The following NXPE2 variants were observed in gnomAD, a reference collection of about 807,000 sequenced individuals.
The protein encoded by NXPE2 is neurexophilin and PC-esterase domain family member 2.
Under a neutral mutation model 34.4 loss-of-function variants are expected in NXPE2, and 34 were observed. The ratio of observed to expected loss-of-function variants is 0.99; its 90% CI spans 0.75 to 1.31. The LOEUF is 1.31. Ranked by LOEUF, NXPE2 falls within the 40% of genes most tolerant of loss-of-function variation. The pLI is 0.00. For synonymous variants in NXPE2, 235 were observed against 231.3 expected (o/e 1.02, Z -0.15); for missense variants, 649 against 672.5 (o/e 0.97, Z 0.39).
chr11:114,656,943 A>T, the NXPE2 span, among the ~76,000 whole-genome samples: 1 of 152,166 alleles, frequency 6.6e-6, no homozygotes, highest in Admixed American at 6.5e-5. Context: ...ATACAAAAAA[A>T]ATTAGCCAGG....
At chr11:114,659,408 G>C in the NXPE2 span, among the ~76,000 whole-genome samples, 2 of 146,766 alleles carry the variant, frequency 1.4e-5, no homozygotes, top group African/African-American at 4.9e-5. Context: ...TGTGAGGATA[G>C]GTCAATGAAA....
At chr11:114,781,783 G>T in the NXPE2 span, among the ~76,000 whole-genome samples, 1 of 152,102 alleles carries the variant, frequency 6.6e-6, no homozygotes, top group Non-Finnish European at 1.5e-5. Flanking sequence ...ACCTCCACCA[G>T]GAGTACAAAC....
chr11:114,525,568 T>TC, the NXPE2 span, among the ~76,000 whole-genome samples: 4 of 151,884 alleles, frequency 2.6e-5, no homozygotes, highest in Non-Finnish European at 2.9e-5. Flanking sequence ...GCTTCCCCCT[T>TC]CCCCCCTTAC....
the NXPE2 span, among the ~76,000 whole-genome samples, chr11:114,813,309 TTCC>T: frequency 6.6e-5 from 10 of 152,202 alleles, no homozygotes; most frequent in Non-Finnish European, 1.3e-4. Flanking sequence ...TGCTCCCAGC[TTCC>T]TCCTTGTAAA....
the NXPE2 span, among the ~76,000 whole-genome samples, chr11:114,598,365 G>A: frequency 7.3e-6 from 1 of 136,240 alleles, no homozygotes; most frequent in East Asian, 2.1e-4. Context: ...GGGTCTGGAG[G>A]ATGGTGGCCC....
chr11:114,643,563 T>C, the NXPE2 span, among the ~76,000 whole-genome samples: 1 of 152,070 alleles, frequency 6.6e-6, no homozygotes, highest in Non-Finnish European at 1.5e-5. Context: ...GATCAGATGG[T>C]TGTAGATGTG....
the NXPE2 span, among the ~76,000 whole-genome samples, chr11:114,599,130 C>A: frequency 6.6e-6 from 1 of 152,114 alleles, no homozygotes; most frequent in Non-Finnish European, 1.5e-5. Flanking sequence ...GAACACTTTG[C>A]TGCTTAGAAA....
the NXPE2 span, among the ~76,000 whole-genome samples, chr11:114,467,221 A>G: frequency 6.6e-6 from 1 of 152,226 alleles, no homozygotes; most frequent in African/African-American, 2.4e-5. Flanking sequence ...TTATTAATCT[A>G]TAAGCTGTTA....
At chr11:114,506,910 C>CA in the NXPE2 span, among the ~76,000 whole-genome samples, 4 of 151,632 alleles carry the variant, frequency 2.6e-5, no homozygotes, top group African/African-American at 7.3e-5. Context: ...GATTGAGACA[C>CA]AAAAAAACCC....
intron 2 of NXPE2, among the ~76,000 whole-genome samples, chr11:114,690,284 G>A (rs1000419269): frequency 3.3e-5 from 5 of 152,064 alleles, no homozygotes; most frequent in Non-Finnish European, 7.4e-5. Flanking sequence ...TTGTAGGGCT[G>A]GTCTGGTGGT....
the NXPE2 span, among the ~76,000 whole-genome samples, chr11:114,567,369 G>T: frequency 6.6e-6 from 1 of 151,866 alleles, no homozygotes; most frequent in Non-Finnish European, 1.5e-5. Context: ...GACTATGGAG[G>T]ATTCCCTTCT....
the NXPE2 span, among the ~76,000 whole-genome samples, chr11:114,609,552 G>A: frequency 6.7e-6 from 1 of 149,782 alleles, no homozygotes. Flanking sequence ...AATGGATAAT[G>A]AGTATTGCCT....
chr11:114,741,360 C>T, the NXPE2 span, among the ~76,000 whole-genome samples: 130 of 152,188 alleles, frequency 8.5e-4, 2 homozygotes, highest in East Asian at 0.024. Flanking sequence ...ATGTCCATAT[C>T]CTCTCCAGAT....
At chr11:114,621,681 C>T in the NXPE2 span, among the ~76,000 whole-genome samples, 1 of 152,132 alleles carries the variant, frequency 6.6e-6, no homozygotes, top group Non-Finnish European at 1.5e-5. Context: ...ATAAGTGATG[C>T]CTCATTGGTA....
chr11:114,554,510 G>A, the NXPE2 span: 17 of 400,384 alleles, frequency 4.2e-5, no homozygotes, highest in Admixed American at 3.2e-4. Context: ...TATAACAAAA[G>A]CCAATTATAC....
the NXPE2 span, among the ~76,000 whole-genome samples, chr11:114,737,771 C>T: frequency 6.6e-6 from 1 of 152,056 alleles, no homozygotes; most frequent in African/African-American, 2.4e-5. Flanking sequence ...AAAAGACTGG[C>T]TCTTTTGCTG....
chr11:114,656,024 AAACCCCATCATCTC>A, the NXPE2 span, among the ~76,000 whole-genome samples: 2 of 152,170 alleles, frequency 1.3e-5, no homozygotes, highest in Non-Finnish European at 2.9e-5. Context: ...TATATTTAGA[AAACCCCATCATCTC>A]AGCCCCAAAA....
chr11:114,647,432 A>C, the NXPE2 span, among the ~76,000 whole-genome samples: 1 of 152,170 alleles, frequency 6.6e-6, no homozygotes, highest in Non-Finnish European at 1.5e-5. Context: ...AAACTATCTA[A>C]ATCTATCTAG....
At chr11:114,700,232 C>A (rs1475240743) in intron 3 of NXPE2, among the ~76,000 whole-genome samples, 1 of 152,118 alleles carries the variant, frequency 6.6e-6, no homozygotes, top group Non-Finnish European at 1.5e-5. Context: ...TCCGTAAAAG[C>A]TTTAAGATGA....
Sources: allele counts gnomAD v4.1 joint callset (sites outside exome capture counted in the v4.1 genomes callset), GRCh38; gene constraint gnomAD v4.1.1; transcripts MANE v1.5; gene names NCBI Gene and HGNC (gene_info 2026-07-23, HGNC 2026-07-21).